Variants in GNA14 observed in about 807,000 individuals in gnomAD.
GNA14 encodes guanine nucleotide-binding protein subunit alpha-14.
Under a neutral mutation model 42.0 loss-of-function variants are expected in GNA14, and 50 were observed. That is an observed-to-expected ratio of 1.19 (90% confidence interval 0.95 to 1.51). The LOEUF (loss-of-function observed/expected upper bound fraction) is 1.51, where lower values mean the gene tolerates loss of function less well. Ranked by LOEUF, GNA14 falls within the 40% of genes most tolerant of loss-of-function variation. GNA14 has a pLI of 0.00. For missense variants in GNA14, 473 were observed against 446.2 expected (o/e 1.06, Z -0.54); for synonymous variants, 173 against 163.1 (o/e 1.06, Z -0.46).
Position 77,648,190 on chromosome 9 carries a change from A to G in GNA14, c.-397T>C. On this transcript the variant is annotated 5_prime_UTR_variant, in exon 1 of 7. Transcript: ENST00000341700. ...GGAACGTCGGTGCTCGGGGGAGAGT[A>G]GGATCTCCTGGGCCTAGGGGTGTCC... is the stretch of plus-strand genomic sequence containing the variant. The G allele has an allele frequency of 3.4e-6, 1 of 290,246 alleles. No homozygotes were observed. Among genetic ancestry groups the G allele is most frequent in the Admixed American group, 5.5e-5 (1 of 18,338 alleles). 18.0% of individuals were successfully genotyped at this position (290,246 alleles called of 1,614,324 possible).
chr9:77,603,004 CTCT>C (rs1443085737), intron 1 of GNA14, among the ~76,000 whole-genome samples: 2 of 152,198 alleles, frequency 1.3e-5, no homozygotes, highest in Non-Finnish European at 2.9e-5. Context: ...TTGCTGCCAA[CTCT>C]TTTTTGTCTT....
chr9:77,533,968 C>T (rs1051196997), intron 1 of GNA14, among the ~76,000 whole-genome samples: 2 of 152,178 alleles, frequency 1.3e-5, no homozygotes, highest in Non-Finnish European at 2.9e-5. Context: ...TTTCCCAAAC[C>T]TCAATTATCT....
At chr9:77,577,291 C>T (rs779915897) in intron 1 of GNA14, among the ~76,000 whole-genome samples, 32 of 152,212 alleles carry the variant, frequency 2.1e-4, no homozygotes, top group Admixed American at 1.1e-3. Flanking sequence ...TATTTTCTTA[C>T]ATACTGTACA....
intron 1 of GNA14, among the ~76,000 whole-genome samples, chr9:77,557,634 A>G (rs879573898): frequency 6.6e-6 from 1 of 152,220 alleles, no homozygotes; most frequent in African/African-American, 2.4e-5. Flanking sequence ...AATAAATGCT[A>G]TAAGGAAGAA....
At chr9:77,429,494 T>C (rs1286374180) in intron 4 of GNA14, among the ~76,000 whole-genome samples, 1 of 152,180 alleles carries the variant, frequency 6.6e-6, no homozygotes, top group Non-Finnish European at 1.5e-5. Flanking sequence ...CCTTTCTGCA[T>C]TCCCTGGATG....
intron 2 of GNA14, among the ~76,000 whole-genome samples, chr9:77,483,113 G>A (rs145091712): frequency 1.1e-3 from 172 of 152,278 alleles, no homozygotes; most frequent in African/African-American, 3.8e-3. Flanking sequence ...GCGTTCCTTT[G>A]GAGGAGGAGA....
intron 2 of GNA14, among the ~76,000 whole-genome samples, chr9:77,524,474 GAAAT>G (rs1327332802): frequency 1.3e-5 from 2 of 152,106 alleles, no homozygotes; most frequent in East Asian, 1.9e-4. Context: ...AGATAATAGA[GAAAT>G]AAATACTCAG....
chr9:77,643,745 A>C (rs2118041113), intron 1 of GNA14, among the ~76,000 whole-genome samples: 1 of 152,350 alleles, frequency 6.6e-6, no homozygotes, highest in African/African-American at 2.4e-5. Context: ...ACACTAAGGG[A>C]AACTCAAAGT....
chr9:77,434,606 T>G, intron 2 of GNA14, 84 bp from the exon 3 acceptor site: 2 of 1,257,922 alleles, frequency 1.6e-6, no homozygotes, highest in Non-Finnish European at 2.2e-6. Flanking sequence ...CTTGCCCTGG[T>G]CTGTGGATTT....
At chr9:77,604,725 T>C (rs1017511501) in intron 1 of GNA14, among the ~76,000 whole-genome samples, 2 of 151,848 alleles carry the variant, frequency 1.3e-5, no homozygotes, top group Admixed American at 6.6e-5. Flanking sequence ...TGTATCTGGG[T>C]TTCTGCACAT....
At chr9:77,542,181 T>C (rs544904282) in intron 1 of GNA14, among the ~76,000 whole-genome samples, 1 of 152,322 alleles carries the variant, frequency 6.6e-6, no homozygotes, top group African/African-American at 2.4e-5. Flanking sequence ...AGGGGAGGAC[T>C]TTTTCCTGAA....
intron 2 of GNA14, among the ~76,000 whole-genome samples, chr9:77,504,291 C>A (rs566053941): frequency 6.6e-6 from 1 of 152,196 alleles, no homozygotes. Flanking sequence ...TATTTGATCT[C>A]TTGCTTGAGA....
intron 2 of GNA14, among the ~76,000 whole-genome samples, chr9:77,468,458 C>G (rs569465603): frequency 3.3e-5 from 5 of 152,224 alleles, no homozygotes; most frequent in Non-Finnish European, 5.9e-5. Flanking sequence ...TTTTTGGTCA[C>G]TGTCTAAAAC....
rs112176284 is a variant in GNA14, at chr9:77,612,799, T to C, written c.124+34871A>G. 8.4e-3 allele frequency among the ~76,000 whole-genome samples: 1,280 copies of C among 152,212 alleles called. 3 individuals are homozygous for C. The highest frequency in any genetic ancestry group is 0.015 in the African/African-American group (641 of 41,536). ...AGGTTTCTCAAAATATTAAAAAATA[T>C]TGGACTTGGCAGTTAAAAAATTTAA... On this transcript the variant is annotated intron_variant, in intron 1 of 6. Transcript: ENST00000341700.
intron 1 of GNA14, among the ~76,000 whole-genome samples, chr9:77,556,727 T>C (rs1822786738): frequency 6.6e-6 from 1 of 152,118 alleles, no homozygotes; most frequent in Non-Finnish European, 1.5e-5. Flanking sequence ...TAATGTGCCC[T>C]ACCACCACCC....
chr9:77,589,498 T>G (rs1015500022), intron 1 of GNA14, among the ~76,000 whole-genome samples: 1 of 152,182 alleles, frequency 6.6e-6, no homozygotes, highest in African/African-American at 2.4e-5. Context: ...CAGATATCAC[T>G]TATATTTCAT....
intron 1 of GNA14, among the ~76,000 whole-genome samples, chr9:77,553,149 G>C (rs1837806719): frequency 6.6e-6 from 1 of 152,152 alleles, no homozygotes; most frequent in South Asian, 2.1e-4. Flanking sequence ...ATCATTCATG[G>C]AAGGGTGAAA....
rs1835415315 is a variant in GNA14, at chr9:77,424,073, G to A, written c.974C>T (p.Thr325Ile). Residue 325 changes from threonine (T) to isoleucine (I), a missense_variant, in exon 7 of 7, where the codon ACA becomes ATA. By Grantham distance (89) the Thr-to-Ile change is moderately conservative. Coordinates refer to ENST00000341700, the MANE Select transcript of GNA14 (RefSeq NM_004297.4). ...DKEKVIYSHFTCATDTDNIRF... is the reference protein window; with the variant it reads ...DKEKVIYSHFICATDTDNIRF... ...AATATTGTCTGTATCTGTAGCACATGTGAAGTGAGAGTAGATGACTTTCTC... is the reference window on the plus strand; with the variant it reads ...AATATTGTCTGTATCTGTAGCACATATGAAGTGAGAGTAGATGACTTTCTC... The A allele has an allele frequency of 1.2e-6, 2 of 1,611,796 alleles. No homozygotes were observed. The highest frequency in any genetic ancestry group is 8.5e-7 in the Non-Finnish European group (1 of 1,178,182).
chr9:77,520,652 G>A lies in GNA14; in HGVS notation c.309+8417C>T, dbSNP rs543841174. On this transcript the variant is annotated intron_variant, in intron 2 of 6. Coordinates refer to ENST00000341700, the MANE Select transcript of GNA14 (RefSeq NM_004297.4). ...AACATCTTGGCTTACTGCAACCTCC[G>A]CCTCCGGGGTTCAAGAGATTCTCCT... 1.3e-3 allele frequency among the ~76,000 whole-genome samples: 199 copies of A among 152,224 alleles called. 2 individuals carry two copies. Among genetic ancestry groups the A allele is most frequent in the Middle Eastern group, 0.01 (3 of 294 alleles).
Sources: allele counts gnomAD v4.1 joint callset (sites outside exome capture counted in the v4.1 genomes callset), GRCh38; gene constraint gnomAD v4.1.1; transcripts MANE v1.5; gene names NCBI Gene and HGNC (gene_info 2026-07-23, HGNC 2026-07-21).